FAHD2A: variants seen among roughly 807,000 people sequenced by gnomAD.
FAHD2A encodes fumarylacetoacetate hydrolase domain containing 2A.
In FAHD2A, 27 loss-of-function variants were observed where a neutral mutation model predicts 33.4. That is an observed-to-expected ratio of 0.81 (90% CI 0.60 to 1.11). The LOEUF (loss-of-function observed/expected upper bound fraction) is 1.11. Ranked by LOEUF, FAHD2A falls within the 50% of genes most tolerant of loss-of-function variation. FAHD2A has a pLI of 0.00. For missense variants in FAHD2A, 296 were observed against 395.0 expected (o/e 0.75, Z 2.12); for synonymous variants, 130 against 153.3 (o/e 0.85, Z 1.12).
chr2:95,417,539 G>A (rs1379137767), downstream of FAHD2A, among the ~76,000 whole-genome samples: 4 of 152,242 alleles, frequency 2.6e-5, no homozygotes, highest in Middle Eastern at 3.4e-3. Flanking sequence ...GATGCCCTTC[G>A]GCCTCATTTG....
intron 5 of FAHD2A, among the ~76,000 whole-genome samples, chr2:95,411,379 A>G (rs543631180): frequency 3.0e-4 from 45 of 152,256 alleles, no homozygotes; most frequent in Non-Finnish European, 4.0e-4. Context: ...CATTTTCCAC[A>G]CTACAGGAGA....
At chr2:95,411,120 C>T (rs2104372163) in intron 5 of FAHD2A, 94 bp downstream of exon 5, 2 of 1,540,624 alleles carry the variant, frequency 1.3e-6, no homozygotes, top group Admixed American at 1.9e-5. Context: ...GTGGCACCTG[C>T]CCTCCCTGGC....
rs141323678 is a variant in FAHD2A, at chr2:95,410,093, G to A, written c.463-434G>A. On this transcript the variant is annotated intron_variant, in intron 3 of 7. Transcript: ENST00000233379. ...TTCTTCATGTTTTGTGGCCATGTCC[G>A]TTACCTTTTTGTGAATTGCTTACTC... 4.9e-3 allele frequency among the ~76,000 whole-genome samples: 746 copies of A among 152,298 alleles called. 1 individual carries two copies. The highest frequency in any genetic ancestry group is 8.3e-3 in the Non-Finnish European group (567 of 68,034).
intron 1 of FAHD2A, among the ~76,000 whole-genome samples, chr2:95,404,497 G>A (rs1326247349): frequency 2.0e-5 from 3 of 152,096 alleles, no homozygotes; most frequent in East Asian, 1.9e-4. Context: ...GTTTCACCAC[G>A]TTGGCCAGGC....
At chr2:95,407,413 A>T (rs1681773552) in intron 3 of FAHD2A, 2 of 567,530 alleles carry the variant, frequency 3.5e-6, no homozygotes, top group Non-Finnish European at 6.3e-6. Context: ...GTCACCCATA[A>T]TCCCACTGCC....
At chr2:95,406,715 A>G (rs1211462623) in intron 2 of FAHD2A, among the ~76,000 whole-genome samples, 3 of 152,214 alleles carry the variant, frequency 2.0e-5, no homozygotes. Context: ...TTACATGGAC[A>G]TGAGTTACCT....
intron 2 of FAHD2A, among the ~76,000 whole-genome samples, chr2:95,406,736 G>A (rs892224484): frequency 2.6e-5 from 4 of 152,098 alleles, no homozygotes; most frequent in African/African-American, 9.7e-5. Context: ...AAGGGGGAGA[G>A]GAAATCAACA....
rs1450367262 is a variant in FAHD2A at position 95,415,627 on chromosome 2, C to G, written c.*2670C>G. ...ACACTCTCCATGTATCACTCGCCAG[C>G]CGTGCAGTCCTCACTCTCTTGCCCA... On this transcript the variant is annotated 3_prime_UTR_variant, in exon 8 of 8. Transcript: ENST00000233379. 1 of 152,616 alleles carries G rather than the reference C, an allele frequency of 6.6e-6. No homozygotes were observed. Among genetic ancestry groups the G allele is most frequent in the African/African-American group, 2.4e-5 (1 of 41,442 alleles). The allele number at this position is 152,616 out of a possible 1,614,324, so 9.5% of individuals were successfully genotyped here.
rs1262911786 is a variant in FAHD2A at position 95,415,692 on chromosome 2, T to C, written c.*2735T>C. 2 of 152,588 alleles carry C rather than the reference T, an allele frequency of 1.3e-5. No individual in the cohort carries two copies. Among genetic ancestry groups the C allele is most frequent in the African/African-American group, 4.8e-5 (2 of 41,416 alleles). 9.5% of individuals were successfully genotyped at this position (152,588 alleles called of 1,614,324 possible). On this transcript the variant is annotated 3_prime_UTR_variant, in exon 8 of 8. Transcript: ENST00000233379. ...GAGCCTGCTGCCGCCCAGCTCTGGT[T>C]GTGGAAGGGCTGGCACCAAGGAGCT...
chr2:95,403,434 A>G (rs1465746304), intron 1 of FAHD2A, among the ~76,000 whole-genome samples: 1 of 152,204 alleles, frequency 6.6e-6, no homozygotes, highest in Non-Finnish European at 1.5e-5. Flanking sequence ...CCCTGAGGCA[A>G]CAGCCAGAGG....
chr2:95,418,358 G>C (rs1233446188), downstream of FAHD2A, among the ~76,000 whole-genome samples: 1 of 151,874 alleles, frequency 6.6e-6, no homozygotes, highest in Admixed American at 6.6e-5. Flanking sequence ...CTGAGCTCAG[G>C]AAACAGGCCA....
chr2:95,417,150 G>C (rs1272169717), downstream of FAHD2A, among the ~76,000 whole-genome samples: 1 of 152,236 alleles, frequency 6.6e-6, no homozygotes, highest in African/African-American at 2.4e-5. Flanking sequence ...GAAGACCTTG[G>C]GGGACTATAG....
downstream of FAHD2A, among the ~76,000 whole-genome samples, chr2:95,419,760 TATAGAG>T (rs1208284288): frequency 6.6e-6 from 1 of 151,848 alleles, no homozygotes; most frequent in East Asian, 1.9e-4. Flanking sequence ...TATACATAGA[TATAGAG>T]ATAGATCTCT....
At chr2:95,409,946 C>T in intron 3 of FAHD2A, among the ~76,000 whole-genome samples, 1 of 152,206 alleles carries the variant, frequency 6.6e-6, no homozygotes, top group Non-Finnish European at 1.5e-5. Flanking sequence ...TAGAGACCAA[C>T]ATCTGGATGT....
chr2:95,405,318 A>G, intron 1 of FAHD2A: 8 of 494,466 alleles, frequency 1.6e-5, no homozygotes, highest in Non-Finnish European at 2.5e-5. Flanking sequence ...GCACTGGTTG[A>G]AGGAACGCTG....
intron 7 of FAHD2A, 55 bp downstream of exon 7, chr2:95,412,819 C>A (rs114259522): frequency 1.8e-5 from 29 of 1,614,102 alleles, no homozygotes; most frequent in Non-Finnish European, 2.3e-5. Context: ...AGGCTTGCCT[C>A]AGACTTGAGA....
At chr2:95,418,961 A>G (rs1683277448), downstream of FAHD2A, among the ~76,000 whole-genome samples, 4 of 152,096 alleles carry the variant, frequency 2.6e-5, no homozygotes, top group South Asian at 8.3e-4. Context: ...AGAGAGAGAA[A>G]GATGCCAAGT....
chr2:95,420,246 A>G (rs564426234), downstream of FAHD2A, among the ~76,000 whole-genome samples: 20 of 152,248 alleles, frequency 1.3e-4, 1 homozygote, highest in South Asian at 3.7e-3. Context: ...TGGGCACCCC[A>G]TGGTCTAATC....
Position 95,407,065 on chromosome 2 carries a change from G to A in FAHD2A, c.370G>A (p.Val124Met), listed in dbSNP as rs768763850. The change falls in exon 3 of 8, where the codon GTG becomes ATG. Residue 124 changes from valine (V) to methionine (M), a missense_variant. Coordinates refer to ENST00000233379, the MANE Select transcript of FAHD2A (RefSeq NM_016044.3). ...NYVDHCKEQN[V>M]PVPKEPIIFS... Reference sequence around the variant, plus strand: ...TGTGGACCACTGCAAAGAACAGAACGTGCCCGTGCCCAAGGAGCCCATCAT... The same window carrying A: ...TGTGGACCACTGCAAAGAACAGAACATGCCCGTGCCCAAGGAGCCCATCAT... 9 of 1,613,094 alleles carry A rather than the reference G, an allele frequency of 5.6e-6. No homozygotes were observed. The highest frequency in any genetic ancestry group is 3.3e-5 in the Admixed American group (2 of 60,012).
Sources: gnomAD v4.1 joint callset for allele counts (sites outside exome capture counted in the v4.1 genomes callset) on GRCh38, gnomAD v4.1.1 for gene constraint, MANE v1.5 for transcripts, NCBI Gene and HGNC (gene_info 2026-07-23, HGNC 2026-07-21) for gene names.